Variants in CLIP2 observed in about 807,000 individuals in gnomAD.
CLIP2 encodes the protein CAP-Gly domain-containing linker protein 2.
A neutral mutation model predicts 111.7 loss-of-function variants in CLIP2; 41 were observed. The observed-to-expected ratio is 0.37, with a 90% confidence interval of 0.29 to 0.48. CLIP2 has a LOEUF of 0.48. Among genes scored for constraint, CLIP2 ranks in the 20% least tolerant of loss-of-function variants. The probability of loss-of-function intolerance (pLI) is 0.99; values close to 1 mark genes in which losing one functional copy is unlikely to be tolerated. For missense variants in CLIP2, 1,160 were observed against 1,422.1 expected (o/e 0.82, Z 2.96); for synonymous variants, 660 against 644.2 (o/e 1.02, Z -0.37).
intron 12 of CLIP2, among the ~76,000 whole-genome samples, chr7:74,387,036 A>T (rs1313608935): frequency 3.3e-5 from 5 of 151,484 alleles, no homozygotes; most frequent in African/African-American, 7.3e-5. Context: ...AAAAAAAAAA[A>T]AAAAAAGGGC....
At chr7:74,295,812 G>C (rs7800685) in intron 1 of CLIP2, among the ~76,000 whole-genome samples, 54,339 of 151,816 alleles carry the variant, frequency 0.36, 10,200 homozygotes, top group African/African-American at 0.47. Context: ...TGAGAGCAGC[G>C]TGGGCAACAG....
intron 1 of CLIP2, among the ~76,000 whole-genome samples, chr7:74,294,219 A>G (rs986705591): frequency 4.6e-5 from 7 of 152,336 alleles, no homozygotes; most frequent in African/African-American, 1.7e-4. Context: ...GGCGTGAGCC[A>G]CTGCGCCCAG....
At chr7:74,325,153 C>CT (rs1789075246) in intron 2 of CLIP2, among the ~76,000 whole-genome samples, 2 of 152,222 alleles carry the variant, frequency 1.3e-5, no homozygotes, top group South Asian at 4.1e-4. Flanking sequence ...AGGGCCTGGA[C>CT]TGGTGCCCTT....
intron 11 of CLIP2, among the ~76,000 whole-genome samples, chr7:74,383,297 CCCAACCCT>C: frequency 6.6e-6 from 1 of 152,152 alleles, no homozygotes; most frequent in South Asian, 2.1e-4. Context: ...ATTTTCTCCC[CCCAACCCT>C]CATTGATTGG....
chr7:74,336,091 A>G (rs868959969), intron 2 of CLIP2, among the ~76,000 whole-genome samples: 2 of 150,278 alleles, frequency 1.3e-5, no homozygotes, highest in South Asian at 4.2e-4. Flanking sequence ...TCTTTCAGAT[A>G]GAGTCTTGCT....
chr7:74,297,679 A>G (rs1270875949), intron 1 of CLIP2, among the ~76,000 whole-genome samples: 1 of 152,024 alleles, frequency 6.6e-6, no homozygotes, highest in Non-Finnish European at 1.5e-5. Context: ...GTCAGTTGGA[A>G]TGTTGATCTG....
chr7:74,376,338 T>C lies in CLIP2; in HGVS notation c.1937T>C (p.Ile646Thr). Reference protein sequence around the residue: ...NSGPGAQQKEIGELKAVMEGI... With the variant: ...NSGPGAQQKETGELKAVMEGI... ...GGCCCAGGCGCCCAGCAGAAGGAGA[T>C]CGGCGAGCTGAAGGCAGTGATGGAG... Residue 646 changes from isoleucine to threonine, a missense_variant, in exon 10 of 17, where the codon ATC (isoleucine) becomes ACC (threonine). Physicochemically the swap from Ile to Thr is moderately conservative, Grantham distance 89. Transcript: ENST00000223398. The surrounding 1 kb of genome is among the most constrained non-coding windows in gnomAD (Gnocchi z 7.1). The C allele has an allele frequency of 6.2e-7, 1 of 1,613,396 alleles. No homozygotes were observed. The highest frequency in any genetic ancestry group is 1.3e-5 in the African/African-American group (1 of 74,854).
chr7:74,365,495 A>G (rs1387082350), intron 8 of CLIP2, among the ~76,000 whole-genome samples: 7 of 151,894 alleles, frequency 4.6e-5, no homozygotes, highest in African/African-American at 1.7e-4. Context: ...CCCACTACCT[A>G]CCAGCTGTCA....
At chr7:74,398,507 C>A (rs1367477910) in intron 14 of CLIP2, among the ~76,000 whole-genome samples, 1 of 152,182 alleles carries the variant, frequency 6.6e-6, no homozygotes, top group African/African-American at 2.4e-5. Flanking sequence ...TGTCCTGAAG[C>A]CCCCCACCAC....
chr7:74,349,768 C>T (rs1224987519), intron 3 of CLIP2, among the ~76,000 whole-genome samples: 3 of 151,488 alleles, frequency 2.0e-5, no homozygotes, highest in African/African-American at 7.3e-5. Context: ...CGTGCACCAC[C>T]ACGCCCCGCT....
chr7:74,377,409 A>G (rs1320819009), intron 10 of CLIP2, among the ~76,000 whole-genome samples: 2 of 152,104 alleles, frequency 1.3e-5, no homozygotes, highest in African/African-American at 2.4e-5. Flanking sequence ...ACCAATGTCA[A>G]TTTTGCTCCA....
intron 1 of CLIP2, among the ~76,000 whole-genome samples, chr7:74,313,116 G>A (rs1788684325): frequency 6.6e-6 from 1 of 151,790 alleles, no homozygotes; most frequent in South Asian, 2.1e-4. Flanking sequence ...AGGAGTTTGG[G>A]ACCAGCCTGG....
intron 7 of CLIP2, among the ~76,000 whole-genome samples, chr7:74,361,486 G>C (rs1213190562): frequency 6.6e-6 from 1 of 151,714 alleles, no homozygotes; most frequent in Non-Finnish European, 1.5e-5. Flanking sequence ...CAAAGTGCTG[G>C]GATTACAGGC....
chr7:74,380,744 TGGCTGG>T (rs782294485), intron 10 of CLIP2, 56 bp from the exon 11 acceptor site: 64 of 1,429,114 alleles, frequency 4.5e-5, no homozygotes, highest in Non-Finnish European at 5.8e-5. Flanking sequence ...CTTGCTGGGC[TGGCTGG>T]GGCTGGGGCC....
At chr7:74,324,971 A>G (rs533233011) in intron 2 of CLIP2, among the ~76,000 whole-genome samples, 1 of 152,290 alleles carries the variant, frequency 6.6e-6, no homozygotes, top group South Asian at 2.1e-4. Context: ...GGCCACATCC[A>G]TCAGAGGCTG....
chr7:74,310,447 A>C (rs542618449), intron 1 of CLIP2, among the ~76,000 whole-genome samples: 1 of 152,050 alleles, frequency 6.6e-6, no homozygotes, highest in Admixed American at 6.6e-5. Context: ...ACTTGAGCCC[A>C]GGAACTTCCA....
chr7:74,355,065 G>A (rs1423033022), intron 4 of CLIP2, among the ~76,000 whole-genome samples: 1 of 152,174 alleles, frequency 6.6e-6, no homozygotes, highest in South Asian at 2.1e-4. Flanking sequence ...CTAAGGTGAG[G>A]CCACCTGAGT....
intron 8 of CLIP2, chr7:74,364,893 T>G (rs1172108734): frequency 1.1e-5 from 5 of 455,430 alleles, no homozygotes; most frequent in Admixed American, 2.4e-5. Context: ...CATGGTCATG[T>G]GCACCTGTGG....
intron 8 of CLIP2, among the ~76,000 whole-genome samples, chr7:74,367,745 C>A (rs1253905645): frequency 2.0e-5 from 3 of 152,124 alleles, no homozygotes; most frequent in Non-Finnish European, 4.4e-5. Flanking sequence ...CCTAACACCA[C>A]CCCCCTTACG....
Sources: gnomAD v4.1 joint callset for allele counts (sites outside exome capture counted in the v4.1 genomes callset) on GRCh38, gnomAD v4.1.1 for gene constraint, Gnocchi (gnomAD v3.1) non-coding constraint, MANE v1.5 for transcripts, NCBI Gene and HGNC (gene_info 2026-07-23, HGNC 2026-07-21) for gene names.